GATAD2B: variants seen among roughly 807,000 people sequenced by gnomAD.
The protein encoded by GATAD2B is GATA zinc finger domain containing 2B.
A neutral mutation model predicts 64.3 loss-of-function variants in GATAD2B; 8 were observed. The ratio of observed to expected loss-of-function variants is 0.12; its 90% confidence interval spans 0.07 to 0.22. The LOEUF (loss-of-function observed/expected upper bound fraction) is 0.22, where lower values mean the gene tolerates loss of function less well. Ranked by LOEUF, GATAD2B falls within the 10% of genes least tolerant of loss-of-function variation. GATAD2B has a pLI of 1.00. For missense variants in GATAD2B, 453 were observed against 752.0 expected, an observed-to-expected ratio of 0.60 and a Z score of 4.65; for synonymous variants, 281 against 271.3, an observed-to-expected ratio of 1.04 and a Z score of -0.35.
chr1:153,915,154 C>T (rs1160283312), intron 1 of GATAD2B, among the ~76,000 whole-genome samples: 1 of 152,220 alleles, frequency 6.6e-6, no homozygotes, highest in East Asian at 1.9e-4. Context: ...ACCCGGGAGG[C>T]GGTGGCTCAC....
At chr1:153,828,512 C>G (rs1340293022) in intron 1 of GATAD2B, among the ~76,000 whole-genome samples, 164 bp from the exon 2 acceptor site, 1 of 151,068 alleles carries the variant, frequency 6.6e-6, no homozygotes, top group East Asian at 1.9e-4. Context: ...GTTAACTAAG[C>G]TATGTCCTAC....
At chr1:153,881,370 C>A (rs1570985213) in intron 1 of GATAD2B, among the ~76,000 whole-genome samples, 1 of 152,162 alleles carries the variant, frequency 6.6e-6, no homozygotes, top group African/African-American at 2.4e-5. Flanking sequence ...AAACACTCTC[C>A]TTATTGCTTC....
chr1:153,863,796 T>C (rs950312584), intron 1 of GATAD2B, among the ~76,000 whole-genome samples: 2 of 151,990 alleles, frequency 1.3e-5, no homozygotes, highest in Middle Eastern at 3.2e-3. Flanking sequence ...GGTAATTTTT[T>C]TGTATTTTTA....
intron 1 of GATAD2B, among the ~76,000 whole-genome samples, chr1:153,875,751 T>C (rs1645674010): frequency 8.6e-6 from 1 of 116,514 alleles, no homozygotes; most frequent in South Asian, 2.7e-4. Flanking sequence ...ACAATGAAAA[T>C]AGTATAAACA....
chr1:153,868,824 T>C (rs1341808599), intron 1 of GATAD2B, among the ~76,000 whole-genome samples: 2 of 149,406 alleles, frequency 1.3e-5, no homozygotes, highest in Non-Finnish European at 3.0e-5. Flanking sequence ...CAGCCTCCCC[T>C]CCTGGGTTCA....
intron 2 of GATAD2B, 146 bp from the exon 3 acceptor site, chr1:153,819,881 C>G: frequency 1.8e-6 from 1 of 548,820 alleles, no homozygotes; most frequent in Non-Finnish European, 3.1e-6. Flanking sequence ...GGTGGAACAC[C>G]TGGGGTCAGG....
rs759245034 is a variant in GATAD2B at position 153,914,227 on chromosome 1, C to CAAAA, written c.-2+8502_-2+8505dup. On this transcript the variant is annotated intron_variant, in intron 1 of 10. Coordinates refer to ENST00000368655, the MANE Select transcript of GATAD2B (RefSeq NM_020699.4). Reference sequence around the variant, plus strand: ...CATTGCACTCCAGCCCCCAGACTCTCAAAAAAAAAAAAAAAAAAAAAAAAA... The same window carrying CAAAA: ...CATTGCACTCCAGCCCCCAGACTCTCAAAAAAAAAAAAAAAAAAAAAAAAAAAAA... Among the ~76,000 whole-genome samples, 89 of 65,872 alleles carry CAAAA rather than the reference C, an allele frequency of 1.4e-3. 1 individual carries two copies. The highest frequency in any genetic ancestry group is 0.011 in the Middle Eastern group (1 of 92). The allele number at this position is 65,872 out of a possible 152,430, so 43.2% of individuals were successfully genotyped here. A position where few individuals can be genotyped will look rare whatever the true frequency, so the allele number is the denominator to read the frequency against.
intron 1 of GATAD2B, among the ~76,000 whole-genome samples, chr1:153,904,492 C>G (rs1186722996): frequency 1.3e-5 from 2 of 152,000 alleles, no homozygotes. Flanking sequence ...CCAACCATAA[C>G]AAAATGATTC....
rs779870231 is a variant in GATAD2B at position 153,828,335 on chromosome 1, T to C, written c.13A>G (p.Thr5Ala). Residue 5 changes from threonine to alanine, a missense_variant, in exon 2 of 11, where the codon ACA becomes GCA. Physicochemically the swap from Thr to Ala is moderately conservative, Grantham distance 58 (BLOSUM62 0). This residue lies in a region of GATAD2B where 293 missense variants were observed against 417.2 expected (regional missense o/e 0.70). Transcript: ENST00000368655. ...AGATTCAAGCGAAGAGCATCTTCTG[T>C]CATTCTATCCATCCTATGGAAAGAA... MDRM[T>A]EDALRLNLLK... The C allele has an allele frequency of 1.2e-6, 2 of 1,609,012 alleles. No individual in the cohort carries two copies. The highest frequency in any genetic ancestry group is 2.2e-5 in the East Asian group (1 of 44,888).
At chr1:153,892,039 C>T (rs1398357133) in intron 1 of GATAD2B, among the ~76,000 whole-genome samples, 1 of 151,746 alleles carries the variant, frequency 6.6e-6, no homozygotes, top group Non-Finnish European at 1.5e-5. Context: ...GTGGCAGACG[C>T]CTGTAGTCCC....
At chr1:153,861,795 A>AAAAAAAAAAAAAAATATAT (rs371843941) in intron 1 of GATAD2B, among the ~76,000 whole-genome samples, 2 of 98,548 alleles carry the variant, frequency 2.0e-5, no homozygotes, top group East Asian at 3.0e-4. Flanking sequence ...AAAAAAAAAA[A>AAAAAAAAAAAAAAATATAT]ATATATATAT....
chr1:153,832,575 G>C (rs761738912), intron 1 of GATAD2B, among the ~76,000 whole-genome samples: 3 of 152,188 alleles, frequency 2.0e-5, no homozygotes, highest in African/African-American at 7.2e-5. Context: ...GCTAACGCAA[G>C]TTATCCATAA....
At chr1:153,846,929 A>G (rs949912282) in intron 1 of GATAD2B, among the ~76,000 whole-genome samples, 2 of 151,884 alleles carry the variant, frequency 1.3e-5, no homozygotes, top group African/African-American at 4.8e-5. Context: ...TTTAGTTCCA[A>G]CGAATTAGTC....
chr1:153,898,635 G>A (rs1407376474), intron 1 of GATAD2B, among the ~76,000 whole-genome samples: 2 of 152,132 alleles, frequency 1.3e-5, no homozygotes, highest in Non-Finnish European at 2.9e-5. Flanking sequence ...GGAGGCTGAG[G>A]CACCAACAAA....
At chr1:153,832,013 G>A (rs1161333362) in intron 1 of GATAD2B, among the ~76,000 whole-genome samples, 1 of 152,150 alleles carries the variant, frequency 6.6e-6, no homozygotes, top group Non-Finnish European at 1.5e-5. Context: ...TCAGGAGTTC[G>A]AGACCAGCCT....
chr1:153,862,184 G>A (rs549701141), intron 1 of GATAD2B, among the ~76,000 whole-genome samples: 22 of 144,126 alleles, frequency 1.5e-4, no homozygotes, highest in African/African-American at 5.2e-4. Context: ...GTGCAGCGGC[G>A]TGATCTCAGC....
At chr1:153,885,729 G>C (rs1677161944) in intron 1 of GATAD2B, among the ~76,000 whole-genome samples, 1 of 151,890 alleles carries the variant, frequency 6.6e-6, no homozygotes, top group African/African-American at 2.4e-5. Flanking sequence ...CGGGCGTGGT[G>C]GTGGGCACCT....
chr1:153,891,851 A>G (rs1378953658), intron 1 of GATAD2B, among the ~76,000 whole-genome samples: 1 of 152,012 alleles, frequency 6.6e-6, no homozygotes, highest in African/African-American at 2.4e-5. Flanking sequence ...TAAAAGACAT[A>G]AGCACAATGA....
At chr1:153,843,958 A>C (rs1675591403) in intron 1 of GATAD2B, among the ~76,000 whole-genome samples, 1 of 152,192 alleles carries the variant, frequency 6.6e-6, no homozygotes, top group South Asian at 2.1e-4. Context: ...TTATTGCCTT[A>C]AGAGAGTTTC....
Sources: gnomAD v4.1 joint callset for allele counts (sites outside exome capture counted in the v4.1 genomes callset) on GRCh38, gnomAD v4.1.1 for gene constraint, gnomAD v4.1.1 regional missense constraint, MANE v1.5 for transcripts, NCBI Gene and HGNC (gene_info 2026-07-23, HGNC 2026-07-21) for gene names.